PVT1: variants seen among roughly 807,000 people sequenced by gnomAD.
The protein encoded by PVT1 is Pvt1 oncogene, also known as CXCR4/PVT1 fusion.
chr8:127,876,034 C>A (rs547682224), intron 2 of PVT1, among the ~76,000 whole-genome samples: 2 of 152,374 alleles, frequency 1.3e-5, no homozygotes, highest in South Asian at 2.1e-4. Flanking sequence ...CTCCACCCCC[C>A]CTCACCCTCA....
intron 5 of PVT1, among the ~76,000 whole-genome samples, chr8:128,082,220 C>T (rs778085507): frequency 3.3e-5 from 5 of 152,174 alleles, no homozygotes; most frequent in Non-Finnish European, 5.9e-5. Context: ...TCATTACTAG[C>T]CACAATTTAG....
At chr8:127,832,070 A>G (rs888179748) in intron 2 of PVT1, among the ~76,000 whole-genome samples, 20 of 152,318 alleles carry the variant, frequency 1.3e-4, no homozygotes, top group African/African-American at 3.8e-4. Context: ...TGAGAAAGCC[A>G]CAACTTAAAA....
chr8:128,065,758 A>AT (rs1554608849), intron 4 of PVT1, among the ~76,000 whole-genome samples: 1 of 40,246 alleles, frequency 2.5e-5, no homozygotes, highest in Admixed American at 2.3e-4. Context: ...AAGCAGACAC[A>AT]AAAAACTGGC....
chr8:128,024,902 A>T (rs547721494), intron 4 of PVT1, among the ~76,000 whole-genome samples: 1 of 152,290 alleles, frequency 6.6e-6, no homozygotes, highest in East Asian at 1.9e-4. Flanking sequence ...GGGTCTCGCT[A>T]TGTTGACCAG....
chr8:128,045,378 C>A (rs987838263), intron 4 of PVT1, among the ~76,000 whole-genome samples: 1 of 152,174 alleles, frequency 6.6e-6, no homozygotes, highest in Non-Finnish European at 1.5e-5. Context: ...AAATGCTTTG[C>A]CACAGCTGAC....
At chr8:127,944,420 G>A (rs1321041277) in intron 3 of PVT1, among the ~76,000 whole-genome samples, 1 of 152,188 alleles carries the variant, frequency 6.6e-6, no homozygotes, top group Non-Finnish European at 1.5e-5. Flanking sequence ...ACCTTGCCCA[G>A]CTTTCATACT....
At chr8:127,869,886 C>T (rs1043231520) in intron 2 of PVT1, among the ~76,000 whole-genome samples, 1 of 152,156 alleles carries the variant, frequency 6.6e-6, no homozygotes, top group Non-Finnish European at 1.5e-5. Flanking sequence ...TTACTGCAAC[C>T]TCTGCCTCCT....
At chr8:127,833,783 G>A (rs1392752728) in intron 2 of PVT1, among the ~76,000 whole-genome samples, 1 of 152,136 alleles carries the variant, frequency 6.6e-6, no homozygotes, top group Admixed American at 6.5e-5. Context: ...GCTCTGCCTG[G>A]CTCCAGAGGG....
At chr8:127,867,444 C>T (rs371521785) in intron 2 of PVT1, among the ~76,000 whole-genome samples, 1 of 152,186 alleles carries the variant, frequency 6.6e-6, no homozygotes, top group African/African-American at 2.4e-5. Context: ...GGCAGTATCC[C>T]GGGCTTGGCC....
chr8:127,871,627 C>T (rs1170830444), intron 2 of PVT1, among the ~76,000 whole-genome samples: 1 of 152,160 alleles, frequency 6.6e-6, no homozygotes, highest in Non-Finnish European at 1.5e-5. Flanking sequence ...AGATACAGCT[C>T]TTTGGTGGTG....
At chr8:127,820,728 G>GAGAT (rs1245649928) in intron 2 of PVT1, among the ~76,000 whole-genome samples, 2 of 149,892 alleles carry the variant, frequency 1.3e-5, no homozygotes, top group East Asian at 3.9e-4. Flanking sequence ...TTGTGTTTTT[G>GAGAT]AGATAGAGTC....
At chr8:127,891,415 T>C (rs1342365316) in intron 3 of PVT1, among the ~76,000 whole-genome samples, 1 of 152,188 alleles carries the variant, frequency 6.6e-6, no homozygotes, top group Non-Finnish European at 1.5e-5. Flanking sequence ...TGCTCAGAGC[T>C]AGGAACAACA....
At chr8:128,003,598 A>G (rs1289116894) in intron 4 of PVT1, among the ~76,000 whole-genome samples, 1 of 152,108 alleles carries the variant, frequency 6.6e-6, no homozygotes, top group Admixed American at 6.5e-5. Flanking sequence ...CTCCCAAAGT[A>G]CTGGGATTAC....
At chr8:128,093,246 C>A (rs1814383208) in intron 5 of PVT1, among the ~76,000 whole-genome samples, 1 of 152,204 alleles carries the variant, frequency 6.6e-6, no homozygotes, top group Non-Finnish European at 1.5e-5. Flanking sequence ...TTGTAAATAA[C>A]CAACCCTCTT....
chr8:127,872,086 C>T (rs1035713862), intron 2 of PVT1, among the ~76,000 whole-genome samples: 1 of 150,914 alleles, frequency 6.6e-6, no homozygotes, highest in African/African-American at 2.4e-5. Context: ...GAGTGAGACT[C>T]CGTCTCAAAA....
intron 3 of PVT1, among the ~76,000 whole-genome samples, chr8:127,938,738 T>C (rs1334604003): frequency 6.6e-6 from 1 of 152,228 alleles, no homozygotes; most frequent in Non-Finnish European, 1.5e-5. Context: ...AGTCTGTTTT[T>C]ACTAATGTCC....
Position 127,799,163 on chromosome 8 carries a change from T to C in PVT1, n.372+3092T>C, listed in dbSNP as rs1814434291. Among the ~76,000 whole-genome samples the C allele has an allele frequency of 2.0e-5, 3 of 152,202 alleles. No homozygotes were observed. In the East Asian group the frequency reaches 5.8e-4, roughly 29 times the overall value. ...GGGAGGTATGGCATATTGTTTTGTT[T>C]ATCTGCCTCTTTATTATCACTGACT... On this transcript the variant is annotated intron_variant and non_coding_transcript_variant, in intron 2 of 10. Transcript: ENST00000651587.
intron 5 of PVT1, among the ~76,000 whole-genome samples, chr8:128,076,923 A>G (rs536606663): frequency 1.8e-4 from 27 of 152,312 alleles, no homozygotes; most frequent in African/African-American, 6.0e-4. Context: ...CTGAGCTGCC[A>G]TGATTCACAG....
chr8:128,002,977 C>CTTCCTTCCTTCT (rs1817200002), intron 4 of PVT1, among the ~76,000 whole-genome samples: 1 of 126,698 alleles, frequency 7.9e-6, no homozygotes, highest in African/African-American at 3.0e-5. Flanking sequence ...CTCTTCCTTC[C>CTTCCTTCCTTCT]TTCCTTCCTT....
Sources: gnomAD v4.1 joint callset for allele counts (sites outside exome capture counted in the v4.1 genomes callset) on GRCh38, gnomAD v4.1.1 for gene constraint, MANE v1.5 for transcripts, NCBI Gene and HGNC (gene_info 2026-07-23, HGNC 2026-07-21) for gene names.